FNDC1: variants seen among roughly 807,000 people sequenced by gnomAD.
The protein encoded by FNDC1 is fibronectin type III domain containing 1.
A neutral mutation model predicts 168.0 loss-of-function variants in FNDC1; 96 were observed. That is an observed-to-expected ratio of 0.57 (90% CI 0.48 to 0.68). FNDC1 has a LOEUF of 0.68. Among genes scored for constraint, FNDC1 ranks in the 30% least tolerant of loss-of-function variants. The pLI is 0.00. For missense variants in FNDC1, 2,587 were observed against 2,482.1 expected (o/e 1.04, Z -0.90); for synonymous variants, 1,099 against 1,025.9 (o/e 1.07, Z -1.36).
intron 22 of FNDC1, among the ~76,000 whole-genome samples, chr6:159,269,597 G>GTCTGTCTATCTATCTA (rs1439831224): frequency 2.4e-5 from 3 of 123,950 alleles, no homozygotes; most frequent in African/African-American, 1.0e-4. Context: ...CTGTCTGTCT[G>GTCTGTCTATCTATCTA]TCTATCTATC....
At chr6:159,222,671 T>G (rs901996711) in intron 6 of FNDC1, among the ~76,000 whole-genome samples, 2 of 152,232 alleles carry the variant, frequency 1.3e-5, no homozygotes, top group African/African-American at 4.8e-5. Flanking sequence ...TGACTTCTAG[T>G]TCATATCTGA....
At chr6:159,207,016 A>G (rs1782499176) in intron 4 of FNDC1, among the ~76,000 whole-genome samples, 1 of 152,124 alleles carries the variant, frequency 6.6e-6, no homozygotes. Context: ...AATGTGGGAG[A>G]CAGAGGTTTG....
At position 159,271,751 on chromosome 6, in the gene FNDC1, G is replaced by A. The variant is rs1366819926; in HGVS notation, c.*309G>A. Reference sequence around the variant, plus strand: ...TTCAGTGTGATTTCCAGACTTTTTAGGCATGAAATTCGGACACTTCAGTAT... The same window carrying A: ...TTCAGTGTGATTTCCAGACTTTTTAAGCATGAAATTCGGACACTTCAGTAT... On this transcript the variant is annotated 3_prime_UTR_variant, in exon 23 of 23. Transcript: ENST00000297267. The A allele has an allele frequency of 4.0e-6, 1 of 247,950 alleles. No individual in the cohort carries two copies. Among genetic ancestry groups the A allele is most frequent in the African/African-American group, 2.3e-5 (1 of 44,126 alleles). 15.4% of individuals were successfully genotyped at this position (247,950 alleles called of 1,614,324 possible).
At chr6:159,259,088 T>C (rs1379718671) in intron 18 of FNDC1, among the ~76,000 whole-genome samples, 3 of 152,186 alleles carry the variant, frequency 2.0e-5, no homozygotes, top group African/African-American at 4.8e-5. Flanking sequence ...CTTGTCATGA[T>C]TGAGGCTGTT....
At position 159,251,078 on chromosome 6, in the gene FNDC1, G is replaced by T. The variant is rs1489185085; in HGVS notation, c.4835-224G>T. On this transcript the variant is annotated intron_variant, in intron 16 of 22. Coordinates refer to ENST00000297267, the MANE Select transcript of FNDC1 (RefSeq NM_032532.3). The stretch of plus-strand genomic sequence containing the variant: ...TGCGGGCATAGTCATTGATGTCCAT[G>T]GGGCAATAGGATCTTTTGGAATTAC... 2.0e-5 allele frequency among the ~76,000 whole-genome samples: 3 copies of T among 152,150 alleles called. No individual in the cohort carries two copies. In the East Asian group the frequency reaches 5.8e-4, roughly 29 times the overall value.
chr6:159,264,902 A>T, intron 19 of FNDC1, 73 bp from the exon 20 acceptor site: 2 of 1,279,562 alleles, frequency 1.6e-6, no homozygotes, highest in Non-Finnish European at 2.2e-6. Context: ...TATTTCAGTT[A>T]CACTAACCAT....
intron 22 of FNDC1, 51 bp from the exon 23 acceptor site, chr6:159,271,276 T>C: frequency 7.8e-7 from 1 of 1,277,358 alleles, no homozygotes; most frequent in Non-Finnish European, 1.1e-6. Flanking sequence ...GAGTTCTACC[T>C]GTTGGTTCAG....
In FNDC1 at chr6:159,226,548, A is replaced by T; in HGVS notation, c.1148A>T (p.Asp383Val). ...CCTACAGTTGTCGCTGCATCTTGGGATGCGCTACCAGAGACTGAGGGGAAA... is the reference window on the plus strand; with the variant it reads ...CCTACAGTTGTCGCTGCATCTTGGGTTGCGCTACCAGAGACTGAGGGGAAA... ...GKPTVVAASW[D>V]ALPETEGKVK... The change falls in exon 9 of 23, where the codon GAT becomes GTT. Residue 383 changes from aspartate (D) to valine (V), a missense_variant. By Grantham distance (152) the Asp-to-Val change is radical (BLOSUM62 -3). Transcript: ENST00000297267. 1 of 1,609,446 alleles carries T rather than the reference A, an allele frequency of 6.2e-7. No individual in the cohort carries two copies. Among genetic ancestry groups the T allele is most frequent in the Non-Finnish European group, 8.5e-7 (1 of 1,177,836 alleles).
intron 21 of FNDC1, 98 bp downstream of exon 21, chr6:159,266,343 G>A: frequency 1.6e-6 from 2 of 1,271,174 alleles, no homozygotes; most frequent in East Asian, 2.3e-5. Context: ...GTTTATGAGG[G>A]CTGGAGCTAC....
chr6:159,265,220 T>C (rs1777564801), intron 20 of FNDC1, among the ~76,000 whole-genome samples: 1 of 152,176 alleles, frequency 6.6e-6, no homozygotes, highest in Non-Finnish European at 1.5e-5. Context: ...AATCAACATC[T>C]ATGAAAAAAC....
At chr6:159,256,124 G>A (rs569390466) in intron 17 of FNDC1, among the ~76,000 whole-genome samples, 13 of 152,286 alleles carry the variant, frequency 8.5e-5, no homozygotes, top group South Asian at 6.2e-4. Context: ...AACATTCTTC[G>A]TTTCCTGTGC....
intron 14 of FNDC1, 60 bp downstream of exon 14, chr6:159,240,017 G>T (rs1783384082): frequency 7.0e-7 from 1 of 1,420,808 alleles, no homozygotes; most frequent in South Asian, 1.5e-5. Context: ...CCGCAACTCA[G>T]AGCAGGGTGG....
Position 159,231,882 on chromosome 6 carries a change from C to T in FNDC1, c.1370C>T (p.Thr457Ile), listed in dbSNP as rs1783089078. 6.3e-7 allele frequency: 1 copy of T among 1,580,132 alleles called. No homozygotes were observed. Residue 457 changes from threonine to isoleucine, a missense_variant and splice_region_variant, in exon 11 of 23, where the codon ACC (threonine) becomes ATC (isoleucine). Transcript: ENST00000297267. Reference protein sequence around the residue: ...SKAFIVAMPTTSKADVEQNTE... With the variant: ...SKAFIVAMPTISKADVEQNTE... ...GGCAATTCTTTAAAATCTGTTGCAGCCAGTAAGGCGGATGTTGAGCAGAAC... is the reference window on the plus strand; with the variant it reads ...GGCAATTCTTTAAAATCTGTTGCAGTCAGTAAGGCGGATGTTGAGCAGAAC...
intron 1 of FNDC1, among the ~76,000 whole-genome samples, chr6:159,172,946 G>T (rs1399935090): frequency 6.6e-6 from 1 of 152,156 alleles, no homozygotes; most frequent in African/African-American, 2.4e-5. Flanking sequence ...TAGAAACAAA[G>T]CTGCTCTTCT....
chr6:159,261,953 T>G (rs909484081), intron 19 of FNDC1, among the ~76,000 whole-genome samples: 1 of 151,466 alleles, frequency 6.6e-6, no homozygotes, highest in African/African-American at 2.4e-5. Flanking sequence ...AAAAAATTTT[T>G]TTTAATTAGC....
In FNDC1 at chr6:159,232,795, C is replaced by T. The variant is rs1343424678; in HGVS notation, c.2283C>T (p.Ser761=). The change falls in exon 11 of 23, where the codon TCC becomes TCT. Residue 761 remains serine, a synonymous_variant. Coordinates refer to ENST00000297267, the MANE Select transcript of FNDC1 (RefSeq NM_032532.3). This position sits in a 1 kb window ranked among gnomAD's most constrained non-coding sequence, Gnocchi z 4.9. The stretch of plus-strand genomic sequence containing the variant: ...CCAACTCCAATGCGCCATCACGGTC[C>T]ACCATGTCCTCCTCCGTCTCTTCTC... ...PATNSNAPSR[S]TMSSSVSSHL... 1.2e-6 allele frequency: 2 copies of T among 1,613,972 alleles called. No homozygotes were observed.
At chr6:159,180,898 G>A (rs2114923807) in intron 1 of FNDC1, among the ~76,000 whole-genome samples, 1 of 152,120 alleles carries the variant, frequency 6.6e-6, no homozygotes, top group East Asian at 1.9e-4. Context: ...GATAGACTGG[G>A]TTGATTTCAT....
chr6:159,235,551 C>T (rs1783232476), intron 11 of FNDC1, among the ~76,000 whole-genome samples: 1 of 152,138 alleles, frequency 6.6e-6, no homozygotes, highest in African/African-American at 2.4e-5. Context: ...CTGCGAGTAG[C>T]GGTCAGAAAG....
chr6:159,233,952 G>C lies in FNDC1; in HGVS notation c.3440G>C (p.Arg1147Pro). Residue 1147 changes from arginine (R) to proline (P), a missense_variant, in exon 11 of 23, where the codon CGC becomes CCC. Physicochemically the swap from Arg to Pro is moderately radical, Grantham distance 103 (BLOSUM62 -2). Transcript: ENST00000297267. This position sits in a 1 kb window ranked among gnomAD's most constrained non-coding sequence, Gnocchi z 4.6. ...AGCCGACCCGGCGGCCCCCAGTCCC[G>C]CGCCCGGGTACCCAGCAGGGCAGCG... is the stretch of plus-strand genomic sequence containing the variant. ...RPSRPGGPQS[R>P]ARVPSRAAPG... is the part of the protein sequence containing the mutation. The C allele has an allele frequency of 1.9e-6, 3 of 1,569,702 alleles. No homozygotes were observed. Among genetic ancestry groups the C allele is most frequent in the Non-Finnish European group, 2.6e-6 (3 of 1,157,604 alleles).
Sources: allele counts gnomAD v4.1 joint callset (sites outside exome capture counted in the v4.1 genomes callset), GRCh38; gene constraint gnomAD v4.1.1; non-coding constraint Gnocchi (gnomAD v3.1); transcripts MANE v1.5; gene names NCBI Gene and HGNC (gene_info 2026-07-23, HGNC 2026-07-21).